Variants in MTURN observed in about 807,000 individuals in gnomAD.
The protein encoded by MTURN is maturin.
Under a neutral mutation model 14.9 loss-of-function variants are expected in MTURN, and 7 were observed. The ratio of observed to expected loss-of-function variants is 0.47; its 90% CI spans 0.27 to 0.88. The LOEUF is 0.88. Among genes scored for constraint, MTURN ranks in the 40% least tolerant of loss-of-function variants. MTURN has a pLI of 0.14. For missense variants in MTURN, 151 were observed against 174.1 expected (o/e 0.87, Z 0.75); for synonymous variants, 69 against 72.5 (o/e 0.95, Z 0.25).
At chr7:30,149,593 C>T (rs2128032633) in intron 2 of MTURN, among the ~76,000 whole-genome samples, 1 of 152,236 alleles carries the variant, frequency 6.6e-6, no homozygotes, top group African/African-American at 2.4e-5. Context: ...CTCTCCACCT[C>T]CACCAAATAG....
Position 30,159,197 on chromosome 7 carries a change from T to A in MTURN, c.*1649T>A, listed in dbSNP as rs1484186759. ...AGGTTAATTTCAAGTAAAATGAATTTCCTTCCAAGTAGCCTATTAGTAAAA... is the reference window on the plus strand; with the variant it reads ...AGGTTAATTTCAAGTAAAATGAATTACCTTCCAAGTAGCCTATTAGTAAAA... On this transcript the variant is annotated 3_prime_UTR_variant, in exon 3 of 3. Transcript: ENST00000324453. 1 of 152,238 alleles carries A rather than the reference T, an allele frequency of 6.6e-6. No individual in the cohort carries two copies. The highest frequency in any genetic ancestry group is 1.9e-4 in the East Asian group (1 of 5,206). The allele number at this position is 152,238 out of a possible 1,614,324, so 9.4% of individuals were successfully genotyped here.
At chr7:30,138,577 C>G (rs1301948690) in intron 1 of MTURN, among the ~76,000 whole-genome samples, 1 of 152,054 alleles carries the variant, frequency 6.6e-6, no homozygotes, top group African/African-American at 2.4e-5. Context: ...TTATAACCTC[C>G]ACCTCACTCT....
intron 1 of MTURN, among the ~76,000 whole-genome samples, chr7:30,144,978 G>A (rs1467782619): frequency 8.4e-6 from 1 of 118,502 alleles, no homozygotes; most frequent in Non-Finnish European, 1.6e-5. Context: ...TCCTGGATCC[G>A]TCCCCACTAA....
intron 1 of MTURN, among the ~76,000 whole-genome samples, chr7:30,136,002 TCA>T (rs1270881973): frequency 2.1e-5 from 3 of 145,522 alleles, no homozygotes; most frequent in African/African-American, 7.7e-5. Context: ...ACCCTCACCC[TCA>T]CACGCGCACA....
chr7:30,155,160 G>A (rs35808228), intron 2 of MTURN, among the ~76,000 whole-genome samples: 1 of 152,086 alleles, frequency 6.6e-6, no homozygotes, highest in African/African-American at 2.4e-5. Context: ...TGTTTTCCAC[G>A]GGGCCTCAGA....
chr7:30,138,533 A>G (rs933676948), intron 1 of MTURN, among the ~76,000 whole-genome samples: 1 of 151,962 alleles, frequency 6.6e-6, no homozygotes, highest in Non-Finnish European at 1.5e-5. Flanking sequence ...AGCCACTGTC[A>G]TTTTTCATCG....
At chr7:30,144,489 T>C (rs974929997) in intron 1 of MTURN, among the ~76,000 whole-genome samples, 2 of 152,180 alleles carry the variant, frequency 1.3e-5, no homozygotes, top group African/African-American at 2.4e-5. Context: ...ATAAATGACA[T>C]TGTGGTGGTT....
At chr7:30,136,095 G>A (rs1225835443) in intron 1 of MTURN, among the ~76,000 whole-genome samples, 1 of 149,536 alleles carries the variant, frequency 6.7e-6, no homozygotes, top group African/African-American at 2.5e-5. Flanking sequence ...AGAGGTGTGT[G>A]TGGCCCGGGC....
At chr7:30,143,254 G>C (rs1797078953) in intron 1 of MTURN, among the ~76,000 whole-genome samples, 1 of 152,082 alleles carries the variant, frequency 6.6e-6, no homozygotes, top group South Asian at 2.1e-4. Flanking sequence ...AGAAAGCTTT[G>C]CTGGCAAATC....
intron 2 of MTURN, among the ~76,000 whole-genome samples, chr7:30,157,157 A>G (rs1043059452): frequency 6.6e-6 from 1 of 152,212 alleles, no homozygotes; most frequent in Non-Finnish European, 1.5e-5. Context: ...GTGTGGGCAC[A>G]TAGCTAGCTC....
chr7:30,137,930 G>A (rs910231950), intron 1 of MTURN, among the ~76,000 whole-genome samples: 1 of 151,834 alleles, frequency 6.6e-6, no homozygotes, highest in Non-Finnish European at 1.5e-5. Context: ...TGCCAGGCCA[G>A]TGCTATCTAG....
rs1444888105 is a variant in MTURN at position 30,158,203 on chromosome 7, C to T, written c.*655C>T. On this transcript the variant is annotated 3_prime_UTR_variant, in exon 3 of 3. Transcript: ENST00000324453. ...TAGGTGTAAATGTTACTTGCTTGTT[C>T]GACTGTTTCAAAACATGCTAATTCC... is the stretch of plus-strand genomic sequence containing the variant. 6.6e-6 allele frequency: 1 copy of T among 152,158 alleles called. No homozygotes were observed. Among genetic ancestry groups the T allele is most frequent in the African/African-American group, 2.4e-5 (1 of 41,404 alleles). The allele number at this position is 152,158 out of a possible 1,614,324, so 9.4% of individuals were successfully genotyped here. A position where few individuals can be genotyped will look rare whatever the true frequency, so the allele number is the denominator to read the frequency against.
chr7:30,148,515 G>A (rs965623254), intron 2 of MTURN, among the ~76,000 whole-genome samples: 1 of 152,244 alleles, frequency 6.6e-6, no homozygotes, highest in African/African-American at 2.4e-5. Context: ...GGCTGTGTTA[G>A]GGGAGGGACA....
chr7:30,148,963 A>G (rs1797167590), intron 2 of MTURN, among the ~76,000 whole-genome samples: 1 of 152,166 alleles, frequency 6.6e-6, no homozygotes, highest in African/African-American at 2.4e-5. Flanking sequence ...AGGTTTCCTC[A>G]CAGGGGCTCA....
At chr7:30,142,687 C>G (rs369482116) in intron 1 of MTURN, among the ~76,000 whole-genome samples, 3 of 152,180 alleles carry the variant, frequency 2.0e-5, no homozygotes, top group Non-Finnish European at 2.9e-5. Flanking sequence ...ACTCTGCCCC[C>G]CCAGCACGCA....
At chr7:30,146,468 G>A (rs1421450461) in intron 2 of MTURN, among the ~76,000 whole-genome samples, 169 bp downstream of exon 2, 1 of 152,208 alleles carries the variant, frequency 6.6e-6, no homozygotes, top group Non-Finnish European at 1.5e-5. Flanking sequence ...GAGGGCGGGA[G>A]GAGGGGGACG....
At position 30,159,312 on chromosome 7, in the gene MTURN, G is replaced by A. The variant is rs914899805; in HGVS notation, c.*1764G>A. The A allele has an allele frequency of 5.3e-5, 8 of 152,316 alleles. No homozygotes were observed. The highest frequency in any genetic ancestry group is 1.9e-4 in the African/African-American group (8 of 41,572). 9.4% of individuals were successfully genotyped at this position (152,316 alleles called of 1,614,324 possible). A position where few individuals can be genotyped will look rare whatever the true frequency, so the allele number is the denominator to read the frequency against. ...TGATTGGCTCCATTCATGAGCAAAG[G>A]TGATTGTGAGCTGTATATTACACAG... On this transcript the variant is annotated 3_prime_UTR_variant, in exon 3 of 3. Coordinates refer to ENST00000324453, the MANE Select transcript of MTURN (RefSeq NM_152793.3).
rs1318295161 is a variant in MTURN at position 30,158,607 on chromosome 7, A to C, written c.*1059A>C. On this transcript the variant is annotated 3_prime_UTR_variant, in exon 3 of 3. Transcript: ENST00000324453. ...AATTGTGGTGTATTTGTAAAGGGAC[A>C]CGAAGGTAGGAATCTTTTAATCGTG... 1.3e-5 allele frequency: 2 copies of C among 152,232 alleles called. No individual in the cohort carries two copies. The highest frequency in any genetic ancestry group is 2.9e-5 in the Non-Finnish European group (2 of 68,040). 9.4% of individuals were successfully genotyped at this position (152,232 alleles called of 1,614,324 possible). A position where few individuals can be genotyped will look rare whatever the true frequency, so the allele number is the denominator to read the frequency against.
At chr7:30,151,839 A>G (rs1335326762) in intron 2 of MTURN, among the ~76,000 whole-genome samples, 1 of 152,216 alleles carries the variant, frequency 6.6e-6, no homozygotes, top group East Asian at 1.9e-4. Context: ...TCTTCTCTCA[A>G]GAAAGAGACA....
Sources: gnomAD v4.1 joint callset for allele counts (sites outside exome capture counted in the v4.1 genomes callset) on GRCh38, gnomAD v4.1.1 for gene constraint, MANE v1.5 for transcripts, NCBI Gene and HGNC (gene_info 2026-07-23, HGNC 2026-07-21) for gene names.